The following SUGCT variants were observed in gnomAD, a reference collection of about 807,000 sequenced individuals.
SUGCT encodes succinyl-CoA:glutarate-CoA transferase.
SUGCT carries 41 observed loss-of-function variants against 55.0 expected under a neutral mutation model. The ratio of observed to expected loss-of-function variants is 0.74; its 90% CI spans 0.58 to 0.97. The LOEUF (loss-of-function observed/expected upper bound fraction) is 0.97. SUGCT is among the 50% of genes least tolerant of loss of function. The pLI is 0.00. For missense variants in SUGCT, 568 were observed against 547.8 expected, an observed-to-expected ratio of 1.04 and a Z score of -0.37; for synonymous variants, 187 against 200.4, an observed-to-expected ratio of 0.93 and a Z score of 0.56.
chr7:40,796,002 T>A lies in SUGCT; in HGVS notation c.1153+46505T>A, dbSNP rs1401780418. 2.0e-5 allele frequency among the ~76,000 whole-genome samples: 3 copies of A among 152,322 alleles called. No homozygotes were observed. In the East Asian group the frequency reaches 5.8e-4, roughly 29 times the overall value. On this transcript the variant is annotated intron_variant, in intron 13 of 13. Coordinates refer to ENST00000335693, the MANE Select transcript of SUGCT (RefSeq NM_001193313.2). ...GTGGAGGTACTTTCTTGACCTCTTT[T>A]AAATGTTTCTTTTTCTTTCTTTCTT...
intron 12 of SUGCT, among the ~76,000 whole-genome samples, chr7:40,633,500 C>A (rs933112247): frequency 4.5e-4 from 68 of 152,204 alleles, no homozygotes; most frequent in Admixed American, 5.2e-4. Context: ...TATATGAAGT[C>A]TCTTGTCAGT....
intron 9 of SUGCT, among the ~76,000 whole-genome samples, chr7:40,335,905 A>G (rs868454904): frequency 4.6e-5 from 7 of 152,120 alleles, no homozygotes; most frequent in Middle Eastern, 3.2e-3. Flanking sequence ...AGCTCTTATT[A>G]TTTTGAGATA....
intron 8 of SUGCT, among the ~76,000 whole-genome samples, chr7:40,288,384 A>T (rs955231474): frequency 2.0e-4 from 30 of 152,234 alleles, no homozygotes; most frequent in African/African-American, 5.8e-4. Flanking sequence ...GCTAGTATTT[A>T]GTTACTAATG....
chr7:40,592,358 G>C (rs960290660), intron 12 of SUGCT, among the ~76,000 whole-genome samples: 1 of 152,174 alleles, frequency 6.6e-6, no homozygotes, highest in Non-Finnish European at 1.5e-5. Context: ...CAGACCATAA[G>C]ATGAGGCATC....
At chr7:40,954,724 C>T in the SUGCT span, among the ~76,000 whole-genome samples, 1 of 152,144 alleles carries the variant, frequency 6.6e-6, no homozygotes, top group African/African-American at 2.4e-5. Flanking sequence ...TGCCTATGTC[C>T]TGAGTGATAT....
intron 12 of SUGCT, among the ~76,000 whole-genome samples, chr7:40,663,011 A>C (rs1433479077): frequency 6.6e-6 from 1 of 152,224 alleles, no homozygotes; most frequent in Non-Finnish European, 1.5e-5. Flanking sequence ...TCAATGTGAC[A>C]GTCATTAGTA....
In SUGCT at chr7:40,480,245, G is replaced by A. The variant is rs144406212; in HGVS notation, c.987-16039G>A. Among the ~76,000 whole-genome samples, 810 of 152,134 alleles carry A rather than the reference G, an allele frequency of 5.3e-3. 12 individuals carry two copies. The highest frequency in any genetic ancestry group is 0.018 in the African/African-American group (755 of 41,494). On this transcript the variant is annotated intron_variant, in intron 11 of 13. Coordinates refer to ENST00000335693, the MANE Select transcript of SUGCT (RefSeq NM_001193313.2). ...TCTTTCTTCTGCCTGTGGATATATAGTTTTCTCACCACCATTTTTTGAAGA... is the reference window on the plus strand; with the variant it reads ...TCTTTCTTCTGCCTGTGGATATATAATTTTCTCACCACCATTTTTTGAAGA...
chr7:40,736,348 A>T (rs1216419048), intron 12 of SUGCT, among the ~76,000 whole-genome samples: 1 of 148,896 alleles, frequency 6.7e-6, no homozygotes, highest in Non-Finnish European at 1.5e-5. Flanking sequence ...GTGTATATAT[A>T]AATGTATATA....
At chr7:40,517,534 T>A (rs1398424835) in intron 12 of SUGCT, among the ~76,000 whole-genome samples, 1 of 152,098 alleles carries the variant, frequency 6.6e-6, no homozygotes, top group Non-Finnish European at 1.5e-5. Context: ...TATTTTGAGT[T>A]GTTGAGTGTT....
chr7:40,759,573 G>C (rs28521430), intron 13 of SUGCT, among the ~76,000 whole-genome samples: 1 of 151,566 alleles, frequency 6.6e-6, no homozygotes, highest in Non-Finnish European at 1.5e-5. Context: ...TCTTTAATCT[G>C]TCCTCTTTTC....
the SUGCT span, among the ~76,000 whole-genome samples, chr7:41,019,434 C>A: frequency 2.6e-5 from 4 of 152,162 alleles, no homozygotes; most frequent in African/African-American, 7.2e-5. Flanking sequence ...TAAAGGACAA[C>A]ATTATTTGCC....
At chr7:40,262,542 G>T (rs1284268383) in intron 7 of SUGCT, among the ~76,000 whole-genome samples, 1 of 150,596 alleles carries the variant, frequency 6.6e-6, no homozygotes, top group Non-Finnish European at 1.5e-5. Context: ...GTGGGCCCTT[G>T]TAGTCCCAGC....
chr7:40,986,685 A>G, the SUGCT span, among the ~76,000 whole-genome samples: 1 of 152,228 alleles, frequency 6.6e-6, no homozygotes, highest in Non-Finnish European at 1.5e-5. Context: ...CCAAGGAGTA[A>G]TCGCTGAGAT....
chr7:40,643,476 A>G (rs930048482), intron 12 of SUGCT, among the ~76,000 whole-genome samples: 3 of 152,126 alleles, frequency 2.0e-5, no homozygotes, highest in African/African-American at 7.2e-5. Flanking sequence ...AGGAGAGGGG[A>G]GTCCTCTTAG....
At position 40,609,585 on chromosome 7, in the gene SUGCT, T is replaced by C. The variant is rs1798682548; in HGVS notation, c.1089+113199T>C. On this transcript the variant is annotated intron_variant, in intron 12 of 13. Transcript: ENST00000335693. Reference sequence around the variant, plus strand: ...AAAAAAAGAAAAAGAAATGTGATTATCACTTTATTCTTTCACACACTGTTT... The same window carrying C: ...AAAAAAAGAAAAAGAAATGTGATTACCACTTTATTCTTTCACACACTGTTT... Among the ~76,000 whole-genome samples the C allele has an allele frequency of 2.0e-5, 3 of 151,406 alleles. No individual in the cohort carries two copies. In the South Asian group the frequency reaches 6.3e-4, roughly 32 times the overall value.
At chr7:40,312,652 T>A (rs1365600297) in intron 8 of SUGCT, among the ~76,000 whole-genome samples, 1 of 152,174 alleles carries the variant, frequency 6.6e-6, no homozygotes, top group East Asian at 1.9e-4. Context: ...AGAAATCAGA[T>A]AAATTAAGTG....
intron 12 of SUGCT, among the ~76,000 whole-genome samples, chr7:40,587,472 A>G (rs1427004097): frequency 6.6e-6 from 1 of 152,244 alleles, no homozygotes; most frequent in African/African-American, 2.4e-5. Context: ...TATACAACAC[A>G]TATAATAGAA....
chr7:40,485,155 A>G (rs1050367327), intron 11 of SUGCT, among the ~76,000 whole-genome samples: 1 of 152,024 alleles, frequency 6.6e-6, no homozygotes, highest in African/African-American at 2.4e-5. Context: ...TAAGATTTTT[A>G]TGAAGATCCT....
chr7:40,428,556 G>A (rs2151382465), intron 9 of SUGCT, among the ~76,000 whole-genome samples: 1 of 143,008 alleles, frequency 7.0e-6, no homozygotes, highest in Middle Eastern at 3.5e-3. Context: ...GTGTGTGTGT[G>A]TCCTGTGGGC....
Sources: allele counts gnomAD v4.1 joint callset (sites outside exome capture counted in the v4.1 genomes callset), GRCh38; gene constraint gnomAD v4.1.1; transcripts MANE v1.5; gene names NCBI Gene and HGNC (gene_info 2026-07-23, HGNC 2026-07-21).